SPMIP7: variants seen among roughly 807,000 people sequenced by gnomAD.
SPMIP7 encodes the protein sperm microtubule inner protein 7, also known as protein SPMIP7.
the SPMIP7 span, among the ~76,000 whole-genome samples, chr7:50,135,769 G>A: frequency 6.6e-6 from 1 of 152,204 alleles, no homozygotes; most frequent in African/African-American, 2.4e-5. Flanking sequence ...GCAGAGGGTA[G>A]ACTACAGTGG....
the SPMIP7 span, chr7:50,096,173 C>T: frequency 6.4e-7 from 1 of 1,551,284 alleles, no homozygotes; most frequent in Non-Finnish European, 8.7e-7. Context: ...TATAGATTAC[C>T]CACACTATTG....
chr7:50,145,612 GTGTGTGTATATATATA>G, the SPMIP7 span, among the ~76,000 whole-genome samples: 70 of 36,898 alleles, frequency 1.9e-3, 3 homozygotes, highest in African/African-American at 5.7e-3. Flanking sequence ...GTGTGTATAT[GTGTGTGTATATATATA>G]TATATATATA....
the SPMIP7 span, among the ~76,000 whole-genome samples, chr7:50,130,715 G>C: frequency 5.9e-5 from 9 of 152,032 alleles, no homozygotes; most frequent in Non-Finnish European, 1.2e-4. Flanking sequence ...AGGAGGTGTG[G>C]GGAGGCCTCC....
At chr7:50,150,499 C>T in the SPMIP7 span, among the ~76,000 whole-genome samples, 1 of 152,182 alleles carries the variant, frequency 6.6e-6, no homozygotes, top group Non-Finnish European at 1.5e-5. Context: ...TAGGCTATTA[C>T]ACAGAGCCTC....
chr7:50,141,607 TCA>T, the SPMIP7 span: 3 of 440,664 alleles, frequency 6.8e-6, no homozygotes, highest in Non-Finnish European at 1.3e-5. Context: ...CTCTGTGACT[TCA>T]GTTTCTTCAT....
At chr7:50,113,260 C>G in the SPMIP7 span, among the ~76,000 whole-genome samples, 1 of 152,154 alleles carries the variant, frequency 6.6e-6, no homozygotes, top group South Asian at 2.1e-4. Flanking sequence ...TTCCAGCAAC[C>G]AACCAACAAC....
At chr7:50,101,448 C>G in the SPMIP7 span, among the ~76,000 whole-genome samples, 104 of 152,268 alleles carry the variant, frequency 6.8e-4, no homozygotes, top group African/African-American at 2.4e-3. Flanking sequence ...GTGAAAGAAC[C>G]ACCCCCAACT....
the SPMIP7 span, among the ~76,000 whole-genome samples, chr7:50,138,198 C>A: frequency 6.6e-6 from 1 of 151,980 alleles, no homozygotes; most frequent in African/African-American, 2.4e-5. Context: ...ATCCATTTTC[C>A]CAACATAAAT....
the SPMIP7 span, among the ~76,000 whole-genome samples, chr7:50,148,913 G>A: frequency 6.6e-6 from 1 of 152,176 alleles, no homozygotes; most frequent in Non-Finnish European, 1.5e-5. Context: ...TTGGGAGGCC[G>A]AGGCGGGTGG....
chr7:50,129,225 A>G, the SPMIP7 span, among the ~76,000 whole-genome samples: 1 of 152,026 alleles, frequency 6.6e-6, no homozygotes, highest in African/African-American at 2.4e-5. Context: ...ACAATAAAAA[A>G]GCAAAAGGAG....
At chr7:50,117,435 T>C in the SPMIP7 span, 10 of 244,674 alleles carry the variant, frequency 4.1e-5, no homozygotes, top group Non-Finnish European at 7.7e-5. Flanking sequence ...AAAAAAAATA[T>C]ATTAAATTCC....
the SPMIP7 span, chr7:50,141,456 C>A: frequency 1.0e-6 from 1 of 991,042 alleles, no homozygotes; most frequent in Non-Finnish European, 1.6e-6. Context: ...TGGACTTTAC[C>A]ATAAATGAAG....
At chr7:50,149,454 A>C in the SPMIP7 span, among the ~76,000 whole-genome samples, 1 of 152,158 alleles carries the variant, frequency 6.6e-6, no homozygotes, top group Non-Finnish European at 1.5e-5. Flanking sequence ...TGTCCTCTTC[A>C]TGCTGCAGTT....
At chr7:50,132,166 G>T in the SPMIP7 span, among the ~76,000 whole-genome samples, 2 of 152,086 alleles carry the variant, frequency 1.3e-5, no homozygotes, top group African/African-American at 4.8e-5. Context: ...AGCCATCTTA[G>T]AATCCAACTC....
At chr7:50,117,524 T>C in the SPMIP7 span, 2,736 of 241,670 alleles carry the variant, frequency 0.011, 20 homozygotes, top group Middle Eastern at 0.02. Flanking sequence ...CTATCTGAAA[T>C]GTTGCAACTT....
At chr7:50,137,556 G>A in the SPMIP7 span, among the ~76,000 whole-genome samples, 3 of 152,056 alleles carry the variant, frequency 2.0e-5, no homozygotes, top group Non-Finnish European at 4.4e-5. Flanking sequence ...TGGGTCATGT[G>A]ATGTGTACTT....
At chr7:50,152,688 ATTTAT>A in the SPMIP7 span, among the ~76,000 whole-genome samples, 1 of 150,502 alleles carries the variant, frequency 6.6e-6, no homozygotes, top group African/African-American at 2.4e-5. Flanking sequence ...TTATTTATTT[ATTTAT>A]TTATTTATTT....
At chr7:50,121,858 T>G in the SPMIP7 span, among the ~76,000 whole-genome samples, 1 of 151,910 alleles carries the variant, frequency 6.6e-6, no homozygotes, top group Non-Finnish European at 1.5e-5. Context: ...AGTTTCACCA[T>G]GTTGACCAGG....
At chr7:50,152,519 G>A in the SPMIP7 span, among the ~76,000 whole-genome samples, 1 of 152,244 alleles carries the variant, frequency 6.6e-6, no homozygotes, top group African/African-American at 2.4e-5. Flanking sequence ...AACACAGTCT[G>A]AACGATGTCT....
Sources: gnomAD v4.1 joint callset for allele counts (sites outside exome capture counted in the v4.1 genomes callset) on GRCh38, gnomAD v4.1.1 for gene constraint, MANE v1.5 for transcripts, NCBI Gene and HGNC (gene_info 2026-07-23, HGNC 2026-07-21) for gene names.